Variants in IQGAP2 observed in about 807,000 individuals in gnomAD.
IQGAP2 encodes the protein ras GTPase-activating-like protein IQGAP2.
A neutral mutation model predicts 201.3 loss-of-function variants in IQGAP2; 173 were observed. That is an observed-to-expected ratio of 0.86 (90% CI 0.76 to 0.98). The LOEUF is 0.98. IQGAP2 is among the 50% of genes least tolerant of loss of function. The probability of loss-of-function intolerance (pLI) is 0.00; values close to 1 mark genes in which losing one functional copy is unlikely to be tolerated. For synonymous variants in IQGAP2, 675 were observed against 673.9 expected (o/e 1.00, Z -0.03); for missense variants, 1,687 against 1,864.8 (o/e 0.90, Z 1.76).
chr5:76,545,004 G>A (rs1159623948), intron 2 of IQGAP2, among the ~76,000 whole-genome samples: 2 of 151,724 alleles, frequency 1.3e-5, no homozygotes, highest in African/African-American at 2.4e-5. Flanking sequence ...ATATACATAT[G>A]TAGTTGTATA....
intron 2 of IQGAP2, among the ~76,000 whole-genome samples, chr5:76,471,364 C>CAAAAAAAAAAAAAAA: frequency 1.4e-5 from 1 of 72,526 alleles, no homozygotes; most frequent in East Asian, 3.7e-4. Context: ...ATAAACTAAG[C>CAAAAAAAAAAAAAAA]AAAAAAAAAA....
At chr5:76,704,864 G>A (rs1747735891) in intron 35 of IQGAP2, among the ~76,000 whole-genome samples, 1 of 152,114 alleles carries the variant, frequency 6.6e-6, no homozygotes, top group African/African-American at 2.4e-5. Flanking sequence ...GTGAGTAAAG[G>A]ACCAGGAACA....
chr5:76,678,071 G>A (rs1439348644), intron 28 of IQGAP2, among the ~76,000 whole-genome samples: 22 of 152,122 alleles, frequency 1.4e-4, no homozygotes, highest in Admixed American at 1.4e-3. Flanking sequence ...CCTCTTCCAG[G>A]AACCCTCTCA....
intron 2 of IQGAP2, among the ~76,000 whole-genome samples, chr5:76,550,346 AT>A (rs34933231): frequency 0.015 from 2,036 of 135,202 alleles, 34 homozygotes; most frequent in African/African-American, 0.044. Context: ...GGCTGGCAGA[AT>A]TTTTTTTTTT....
chr5:76,642,666 TGATATCTGAGAAG>T (rs1751683664), intron 17 of IQGAP2, among the ~76,000 whole-genome samples: 1 of 152,194 alleles, frequency 6.6e-6, no homozygotes, highest in South Asian at 2.1e-4. Flanking sequence ...GAAAATGTTC[TGATATCTGAGAAG>T]GTCCCCTACG....
intron 26 of IQGAP2, 74 bp downstream of exon 26, chr5:76,674,110 T>A (rs1744595272): frequency 1.2e-6 from 1 of 831,454 alleles, no homozygotes; most frequent in Non-Finnish European, 2.1e-6. Context: ...TATAACTTTG[T>A]AAGATTATTC....
chr5:76,583,589 A>T (rs1008620176), intron 5 of IQGAP2, among the ~76,000 whole-genome samples: 2 of 152,218 alleles, frequency 1.3e-5, no homozygotes, highest in Admixed American at 1.3e-4. Flanking sequence ...TATCAGACTT[A>T]AATTTAAAAG....
intron 2 of IQGAP2, among the ~76,000 whole-genome samples, chr5:76,493,061 C>G (rs541038221): frequency 6.6e-5 from 10 of 152,238 alleles, no homozygotes; most frequent in African/African-American, 2.4e-4. Flanking sequence ...GTCACTTAAC[C>G]GGACATCTCC....
intron 2 of IQGAP2, among the ~76,000 whole-genome samples, chr5:76,543,508 T>C (rs900423758): frequency 1.3e-5 from 2 of 152,212 alleles, no homozygotes; most frequent in Non-Finnish European, 1.5e-5. Flanking sequence ...TGAGGAGCTG[T>C]TGATCATTTG....
At chr5:76,488,816 T>G (rs1371022150) in intron 2 of IQGAP2, among the ~76,000 whole-genome samples, 1 of 152,170 alleles carries the variant, frequency 6.6e-6, no homozygotes, top group Non-Finnish European at 1.5e-5. Flanking sequence ...GAGGCAAAAG[T>G]TTCTGCTTTC....
intron 1 of IQGAP2, among the ~76,000 whole-genome samples, chr5:76,420,639 G>T (rs953087690): frequency 2.0e-5 from 3 of 151,954 alleles, no homozygotes; most frequent in Admixed American, 2.0e-4. Context: ...CCTCCCAAAG[G>T]GCTGGGATTA....
chr5:76,443,032 C>T (rs749004609), intron 1 of IQGAP2, among the ~76,000 whole-genome samples: 1 of 151,870 alleles, frequency 6.6e-6, no homozygotes, highest in African/African-American at 2.4e-5. Flanking sequence ...AATATGATAC[C>T]GGAATAAAGA....
Position 76,629,220 on chromosome 5 carries a change from C to A in IQGAP2, c.1612+1720C>A, listed in dbSNP as rs114202900. Among the ~76,000 whole-genome samples, 440 of 152,226 alleles carry A rather than the reference C, an allele frequency of 2.9e-3. 2 individuals carry two copies. Among genetic ancestry groups the A allele is most frequent in the African/African-American group, 0.01 (420 of 41,554 alleles). ...CTTTCTTTTACTATATCTTAAACAG[C>A]AAAAAAGATTTTCCAAAGTTAATGC... On this transcript the variant is annotated intron_variant, in intron 14 of 35. Coordinates refer to ENST00000274364, the MANE Select transcript of IQGAP2 (RefSeq NM_006633.5).
At chr5:76,586,495 A>G (rs1746256738) in intron 5 of IQGAP2, among the ~76,000 whole-genome samples, 1 of 152,354 alleles carries the variant, frequency 6.6e-6, no homozygotes, top group African/African-American at 2.4e-5. Flanking sequence ...TGGCCAATGC[A>G]TGTATGAAAA....
At position 76,509,984 on chromosome 5, in the gene IQGAP2, CTTT is replaced by C. The variant is rs11331690; in HGVS notation, c.146+48329_146+48331del. On this transcript the variant is annotated intron_variant, in intron 2 of 35. Coordinates refer to ENST00000274364, the MANE Select transcript of IQGAP2 (RefSeq NM_006633.5). Reference sequence around the variant, plus strand: ...TAGATTTAAATGATTAATTTTCTTTCTTTTTTTTTTTTTTTTGTTTGTTTTTTA... The same window carrying C: ...TAGATTTAAATGATTAATTTTCTTTCTTTTTTTTTTTTTGTTTGTTTTTTA... Among the ~76,000 whole-genome samples, 349 of 138,062 alleles carry C rather than the reference CTTT, an allele frequency of 2.5e-3. 1 individual carries two copies. Among genetic ancestry groups the C allele is most frequent in the African/African-American group, 7.5e-3 (279 of 37,132 alleles). The allele number at this position is 138,062 out of a possible 152,430, so 90.6% of individuals were successfully genotyped here.
chr5:76,513,624 AT>A (rs1396983045), intron 2 of IQGAP2, among the ~76,000 whole-genome samples: 7 of 152,202 alleles, frequency 4.6e-5, no homozygotes, highest in Non-Finnish European at 7.3e-5. Flanking sequence ...AAGGCTACAT[AT>A]GGTATGATTC....
intron 29 of IQGAP2, 72 bp from the exon 30 acceptor site, chr5:76,683,704 T>G: frequency 7.0e-7 from 1 of 1,428,642 alleles, no homozygotes; most frequent in Non-Finnish European, 9.5e-7. Context: ...CACAGAACCT[T>G]TATCTTACAT....
chr5:76,618,695 G>A, intron 13 of IQGAP2: 1 of 1,307,476 alleles, frequency 7.6e-7, no homozygotes, highest in Non-Finnish European at 1.0e-6. Context: ...AGAAAAGAAA[G>A]TGTGTTTAAT....
intron 1 of IQGAP2, among the ~76,000 whole-genome samples, chr5:76,434,938 C>T (rs1752570596): frequency 6.6e-6 from 1 of 152,106 alleles, no homozygotes; most frequent in Non-Finnish European, 1.5e-5. Flanking sequence ...TTTTAATTTG[C>T]AGTTCCCTGA....
Sources: gnomAD v4.1 joint callset for allele counts (sites outside exome capture counted in the v4.1 genomes callset) on GRCh38, gnomAD v4.1.1 for gene constraint, MANE v1.5 for transcripts, NCBI Gene and HGNC (gene_info 2026-07-23, HGNC 2026-07-21) for gene names.